The following PHLPP2 variants were observed in gnomAD, a reference collection of about 807,000 sequenced individuals.
The protein encoded by PHLPP2 is PH domain and leucine rich repeat protein phosphatase 2.
In PHLPP2, 66 loss-of-function variants were observed where a neutral mutation model predicts 124.9. The observed-to-expected ratio is 0.53, with a 90% confidence interval of 0.43 to 0.65. The LOEUF is 0.65. PHLPP2 is among the 30% of genes least tolerant of loss of function. The pLI, the probability that PHLPP2 is intolerant of heterozygous loss-of-function variation, is 0.00. For missense variants in PHLPP2, 1,685 were observed against 1,600.4 expected (o/e 1.05, Z -0.90); for synonymous variants, 681 against 624.7 (o/e 1.09, Z -1.34).
At chr16:71,689,696 C>G (rs1240722767) in intron 4 of PHLPP2, among the ~76,000 whole-genome samples, 4 of 152,034 alleles carry the variant, frequency 2.6e-5, no homozygotes, top group Non-Finnish European at 4.4e-5. Context: ...CCGCACCCGG[C>G]CAAGACAGGG....
At position 71,714,628 on chromosome 16, in the gene PHLPP2, G is replaced by A. The variant is rs1387143169; in HGVS notation, c.168C>T (p.Ser56=). 4 of 1,613,844 alleles carry A rather than the reference G, an allele frequency of 2.5e-6. No homozygotes were observed. In the East Asian group the frequency reaches 6.7e-5, roughly 27 times the overall value. Reference sequence around the variant, plus strand: ...CGAGATGTAAGTCAGAGGAAGAGGAGGAGGAGGAAGAGGAAGAGGAGGTGG... The same window carrying A: ...CGAGATGTAAGTCAGAGGAAGAGGAAGAGGAGGAAGAGGAAGAGGAGGTGG... ...TTTTSSSSSS[S]SSSSDLHLVL... Residue 56 remains serine (S), a synonymous_variant, in exon 2 of 19, where the codon TCC becomes TCT. Coordinates refer to ENST00000568954, the MANE Select transcript of PHLPP2 (RefSeq NM_015020.3).
At chr16:71,703,397 T>C (rs990029938) in intron 2 of PHLPP2, among the ~76,000 whole-genome samples, 8 of 152,148 alleles carry the variant, frequency 5.3e-5, no homozygotes, top group African/African-American at 1.9e-4. Flanking sequence ...TTCTACTACA[T>C]GGTCCTAATT....
intron 10 of PHLPP2, among the ~76,000 whole-genome samples, chr16:71,671,061 T>C (rs566835871): frequency 2.6e-5 from 4 of 152,132 alleles, no homozygotes; most frequent in South Asian, 2.1e-4. Flanking sequence ...CCAGATGAGG[T>C]TGGAAATTTT....
chr16:71,678,034 A>G (rs377079941), intron 8 of PHLPP2: 54 of 152,322 alleles, frequency 3.5e-4, no homozygotes, highest in African/African-American at 1.2e-3. Flanking sequence ...GAATTCTCAT[A>G]AAATGGTGGA....
intron 1 of PHLPP2, chr16:71,723,089 C>G (rs540547817): frequency 6.6e-6 from 1 of 152,418 alleles, no homozygotes; most frequent in South Asian, 2.1e-4. Context: ...GCCCCGCTCC[C>G]GGGAGCAGGA....
At chr16:71,721,426 T>C (rs911872615) in intron 1 of PHLPP2, among the ~76,000 whole-genome samples, 1 of 152,040 alleles carries the variant, frequency 6.6e-6, no homozygotes, top group Non-Finnish European at 1.5e-5. Context: ...GAGATCAACA[T>C]AGCAAGACCC....
At chr16:71,723,873 A>G in intron 1 of PHLPP2, 1 of 1,157,906 alleles carries the variant, frequency 8.6e-7, no homozygotes, top group Non-Finnish European at 1.1e-6. Flanking sequence ...CCCATCGGCG[A>G]CCCAGGATTC....
In PHLPP2 at chr16:71,648,575, G is replaced by C; in HGVS notation, c.*315C>G. 1 of 315,774 alleles carries C rather than the reference G, an allele frequency of 3.2e-6. No individual in the cohort carries two copies. The highest frequency in any genetic ancestry group is 5.9e-6 in the Non-Finnish European group (1 of 169,748). 19.6% of individuals were successfully genotyped at this position (315,774 alleles called of 1,614,324 possible). On this transcript the variant is annotated 3_prime_UTR_variant, in exon 19 of 19. Coordinates refer to ENST00000568954, the MANE Select transcript of PHLPP2 (RefSeq NM_015020.3). ...ACCTGAGGTCAAGAGTTCAACACCA[G>C]CCTGGCCAACATGGTGAAACCCCGT...
At chr16:71,712,010 T>G (rs779587216) in intron 2 of PHLPP2, among the ~76,000 whole-genome samples, 1 of 152,254 alleles carries the variant, frequency 6.6e-6, no homozygotes, top group African/African-American at 2.4e-5. Context: ...GCATTCCAAC[T>G]GCAGGGCAGT....
In PHLPP2 at chr16:71,646,027, G is replaced by T. The variant is rs2044650786; in HGVS notation, c.*2863C>A. On this transcript the variant is annotated 3_prime_UTR_variant, in exon 19 of 19. Coordinates refer to ENST00000568954, the MANE Select transcript of PHLPP2 (RefSeq NM_015020.3). ...CTACTCAATGGGAGGTACACACAGA[G>T]ACCTGAGAATATGCAGAGGCCAGAA... is the stretch of plus-strand genomic sequence containing the variant. 2 of 152,582 alleles carry T rather than the reference G, an allele frequency of 1.3e-5. No individual in the cohort carries two copies. Among genetic ancestry groups the T allele is most frequent in the South Asian group, 4.1e-4 (2 of 4,824 alleles). The allele number at this position is 152,582 out of a possible 1,614,324, so 9.5% of individuals were successfully genotyped here.
intron 3 of PHLPP2, among the ~76,000 whole-genome samples, chr16:71,693,706 T>G (rs1243703454): frequency 6.6e-6 from 1 of 152,168 alleles, no homozygotes; most frequent in East Asian, 1.9e-4. Flanking sequence ...GAACATGCAA[T>G]GAAATTTTTA....
At chr16:71,650,861 T>C (rs552668940) in intron 18 of PHLPP2, among the ~76,000 whole-genome samples, 2 of 152,350 alleles carry the variant, frequency 1.3e-5, no homozygotes, top group African/African-American at 2.4e-5. Context: ...AAATGGGAGT[T>C]TAACAACTAC....
chr16:71,653,088 G>T, intron 17 of PHLPP2, 67 bp from the exon 18 acceptor site: 4 of 836,474 alleles, frequency 4.8e-6, no homozygotes, highest in Non-Finnish European at 7.4e-6. Context: ...GGTCCTGCAC[G>T]TACATCCCTT....
At chr16:71,723,539 G>A in intron 1 of PHLPP2, 1 of 184,138 alleles carries the variant, frequency 5.4e-6, no homozygotes, top group Non-Finnish European at 1.1e-5. Flanking sequence ...GGGATGGGCA[G>A]CAGCGGGGTA....
chr16:71,699,190 G>C (rs2045204495), intron 3 of PHLPP2, among the ~76,000 whole-genome samples: 1 of 152,106 alleles, frequency 6.6e-6, no homozygotes, highest in Non-Finnish European at 1.5e-5. Context: ...AGAAATTCTA[G>C]GCAGACAGGG....
At chr16:71,701,569 A>T (rs1365562829) in intron 3 of PHLPP2, among the ~76,000 whole-genome samples, 1 of 152,210 alleles carries the variant, frequency 6.6e-6, no homozygotes, top group East Asian at 1.9e-4. Context: ...AAGATCCTGC[A>T]TATGCTGTCA....
intron 12 of PHLPP2, among the ~76,000 whole-genome samples, chr16:71,666,912 A>G (rs2044844588): frequency 6.6e-6 from 1 of 152,238 alleles, no homozygotes; most frequent in South Asian, 2.1e-4. Context: ...CAGAGATGAA[A>G]GCCTGAATCT....
chr16:71,679,364 G>C lies in PHLPP2; in HGVS notation c.1037+25C>G, dbSNP rs2044975707. On this transcript the variant is annotated intron_variant, in intron 7 of 18. Transcript: ENST00000568954. ...AAGTTCCTTATTCTGCAAGGGAAAA[G>C]AGGAATCTAGTAAAAGTTACTTACT... is the stretch of plus-strand genomic sequence containing the variant. The C allele has an allele frequency of 3.7e-6, 6 of 1,605,796 alleles. No homozygotes were observed. The East Asian group carries it at 1.3e-4, about 36-fold the overall frequency.
intron 5 of PHLPP2, among the ~76,000 whole-genome samples, chr16:71,683,833 C>T (rs752415099): frequency 2.6e-4 from 39 of 151,994 alleles, no homozygotes; most frequent in Non-Finnish European, 3.5e-4. Flanking sequence ...TCTTGTTGCC[C>T]GGGCTGGAGT....
Sources: allele counts gnomAD v4.1 joint callset (sites outside exome capture counted in the v4.1 genomes callset), GRCh38; gene constraint gnomAD v4.1.1; transcripts MANE v1.5; gene names NCBI Gene and HGNC (gene_info 2026-07-23, HGNC 2026-07-21).